ADGRL3: variants seen among roughly 807,000 people sequenced by gnomAD.
ADGRL3 encodes calcium-independent alpha-latrotoxin receptor 3.
ADGRL3 carries 62 observed loss-of-function variants against 153.5 expected under a neutral mutation model. That is an observed-to-expected ratio of 0.40 (90% CI 0.33 to 0.50). The LOEUF (loss-of-function observed/expected upper bound fraction) is 0.50, where lower values mean the gene tolerates loss of function less well. ADGRL3 is among the 20% of genes least tolerant of loss of function. The probability of loss-of-function intolerance (pLI) is 0.47; values close to 1 mark genes in which losing one functional copy is unlikely to be tolerated. For synonymous variants in ADGRL3, 710 were observed against 672.5 expected (o/e 1.06, Z -0.86); for missense variants, 1,641 against 1,859.4 (o/e 0.88, Z 2.16).
chr4:61,531,925 A>C (rs914601649), intron 4 of ADGRL3, among the ~76,000 whole-genome samples: 1 of 152,190 alleles, frequency 6.6e-6, no homozygotes, highest in Non-Finnish European at 1.5e-5. Context: ...TGTGTAATAC[A>C]ATGTCTGTGT....
chr4:61,439,987 TC>T (rs1439811308), intron 2 of ADGRL3, among the ~76,000 whole-genome samples: 1 of 152,168 alleles, frequency 6.6e-6, no homozygotes, highest in Non-Finnish European at 1.5e-5. Flanking sequence ...GCTATCCCCA[TC>T]AATGATGCAT....
chr4:61,983,947 CT>C (rs1386529771), intron 19 of ADGRL3, among the ~76,000 whole-genome samples: 1 of 152,114 alleles, frequency 6.6e-6, no homozygotes, highest in African/African-American at 2.4e-5. Context: ...GGTGCAGTCC[CT>C]GACATTGCTG....
chr4:61,393,675 A>G (rs1157358738), intron 2 of ADGRL3, among the ~76,000 whole-genome samples: 2 of 152,166 alleles, frequency 1.3e-5, no homozygotes, highest in African/African-American at 4.8e-5. Context: ...AGGAGACATT[A>G]AAAATATTAC....
At chr4:61,778,786 G>A (rs1470387800) in intron 8 of ADGRL3, among the ~76,000 whole-genome samples, 12 of 152,300 alleles carry the variant, frequency 7.9e-5, no homozygotes, top group African/African-American at 1.7e-4. Flanking sequence ...AGCTGGGCGT[G>A]GTGGATCCCG....
At chr4:61,251,988 ATTC>A (rs1289683381) in intron 1 of ADGRL3, among the ~76,000 whole-genome samples, 2 of 151,010 alleles carry the variant, frequency 1.3e-5, no homozygotes, top group African/African-American at 4.9e-5. Context: ...GGTTCAGGCT[ATTC>A]TTCTGCCTCA....
At chr4:61,984,703 C>T (rs1239372944) in intron 19 of ADGRL3, among the ~76,000 whole-genome samples, 1 of 152,064 alleles carries the variant, frequency 6.6e-6, no homozygotes, top group Non-Finnish European at 1.5e-5. Flanking sequence ...AAGAGGCCCC[C>T]AGAGGTCGCT....
At chr4:61,781,005 T>A (rs953440963) in intron 8 of ADGRL3, among the ~76,000 whole-genome samples, 1 of 152,184 alleles carries the variant, frequency 6.6e-6, no homozygotes, top group African/African-American at 2.4e-5. Context: ...TAAAAACATA[T>A]CTTTTTAATT....
chr4:61,958,450 G>C (rs1411174203), intron 17 of ADGRL3, among the ~76,000 whole-genome samples: 1 of 150,562 alleles, frequency 6.6e-6, no homozygotes, highest in East Asian at 1.9e-4. Context: ...ACTAACTGCT[G>C]TGAGGGATTG....
intron 5 of ADGRL3, among the ~76,000 whole-genome samples, chr4:61,604,786 T>G (rs1233422624): frequency 6.6e-6 from 1 of 152,102 alleles, no homozygotes; most frequent in Non-Finnish European, 1.5e-5. Context: ...TGTTTCAGTC[T>G]GAATAGAAAA....
intron 1 of ADGRL3, among the ~76,000 whole-genome samples, chr4:61,263,013 G>A (rs1560399325): frequency 6.6e-6 from 1 of 151,970 alleles, no homozygotes. Context: ...TTTATAAGAG[G>A]TTAGATTCTA....
At chr4:61,477,525 T>C (rs1399643344) in intron 2 of ADGRL3, among the ~76,000 whole-genome samples, 1 of 152,196 alleles carries the variant, frequency 6.6e-6, no homozygotes, top group Non-Finnish European at 1.5e-5. Context: ...TAACTGTATA[T>C]GCTTTAGCTC....
intron 3 of ADGRL3, among the ~76,000 whole-genome samples, chr4:61,502,463 T>C (rs1387891184): frequency 5.5e-5 from 8 of 146,402 alleles, no homozygotes; most frequent in African/African-American, 2.0e-4. Flanking sequence ...AAAAAAATGC[T>C]TGTAGAACCA....
chr4:61,757,055 C>G (rs1025061006), intron 8 of ADGRL3, among the ~76,000 whole-genome samples: 1 of 152,176 alleles, frequency 6.6e-6, no homozygotes, highest in African/African-American at 2.4e-5. Context: ...CGTCGATGTT[C>G]ATCAGAGATA....
At chr4:61,966,588 G>GTGTGTGTT (rs2099007751) in intron 17 of ADGRL3, among the ~76,000 whole-genome samples, 1 of 151,898 alleles carries the variant, frequency 6.6e-6, no homozygotes, top group African/African-American at 2.4e-5. Flanking sequence ...GTGTGTGTGT[G>GTGTGTGTT]TGTGTGTGTG....
chr4:61,996,465 T>C lies in ADGRL3; in HGVS notation c.3303+108T>C. The stretch of plus-strand genomic sequence containing the variant: ...CAGAGGTTAATTTGGGGAAAGCATG[T>C]ACTTATTTGACCCTACATAATTCAA... On this transcript the variant is annotated intron_variant, in intron 20 of 26. Coordinates refer to ENST00000683033, the MANE Select transcript of ADGRL3 (RefSeq NM_001387552.1). 1.3e-5 allele frequency: 10 copies of C among 761,664 alleles called. No homozygotes were observed. In the South Asian group the frequency reaches 1.7e-4, roughly 13 times the overall value. The allele number at this position is 761,664 out of a possible 1,614,324, so 47.2% of individuals were successfully genotyped here. A position where few individuals can be genotyped will look rare whatever the true frequency, so the allele number is the denominator to read the frequency against.
chr4:61,848,644 C>A (rs867036249), intron 9 of ADGRL3, among the ~76,000 whole-genome samples: 3 of 152,004 alleles, frequency 2.0e-5, no homozygotes, highest in Admixed American at 6.6e-5. Flanking sequence ...ACCCATATCA[C>A]CCTGTATTCT....
chr4:61,315,140 T>C (rs548094835), intron 1 of ADGRL3, among the ~76,000 whole-genome samples: 1 of 151,902 alleles, frequency 6.6e-6, no homozygotes, highest in East Asian at 1.9e-4. Flanking sequence ...TAAGGAAGGG[T>C]GTGGAGAGGG....
chr4:61,996,411 CTA>C, intron 20 of ADGRL3, 54 bp downstream of exon 20: 1 of 1,236,144 alleles, frequency 8.1e-7, no homozygotes, highest in South Asian at 1.2e-5. Flanking sequence ...AAAACTTTCA[CTA>C]TCCCAGTACT....
chr4:61,726,777 T>G (rs2096355748), intron 6 of ADGRL3, among the ~76,000 whole-genome samples: 1 of 152,146 alleles, frequency 6.6e-6, no homozygotes, highest in Non-Finnish European at 1.5e-5. Context: ...TATTTAATAT[T>G]TTATTACCAT....
Sources: allele counts gnomAD v4.1 joint callset (sites outside exome capture counted in the v4.1 genomes callset), GRCh38; gene constraint gnomAD v4.1.1; transcripts MANE v1.5; gene names NCBI Gene and HGNC (gene_info 2026-07-23, HGNC 2026-07-21).